The following NSD1 variants were observed in gnomAD, a reference collection of about 807,000 sequenced individuals.
The protein encoded by NSD1 is nuclear receptor binding SET domain protein 1.
Under a neutral mutation model 242.7 loss-of-function variants are expected in NSD1, and 26 were observed. That is an observed-to-expected ratio of 0.11 (90% CI 0.08 to 0.15). The LOEUF (loss-of-function observed/expected upper bound fraction) is 0.15, where lower values mean the gene tolerates loss of function less well. Among genes scored for constraint, NSD1 ranks in the 10% least tolerant of loss-of-function variants. NSD1 has a pLI of 1.00. For synonymous variants in NSD1, 1,106 were observed against 1,178.1 expected (o/e 0.94, Z 1.25); for missense variants, 2,495 against 3,272.8 (o/e 0.76, Z 5.80).
At chr5:177,233,524 A>G (rs1396791507) in intron 5 of NSD1, among the ~76,000 whole-genome samples, 1 of 138,332 alleles carries the variant, frequency 7.2e-6, no homozygotes, top group African/African-American at 2.7e-5. Context: ...ATGAGCCACC[A>G]TGCCTGGCTA....
At chr5:177,151,751 A>G (rs1486596879) in intron 2 of NSD1, among the ~76,000 whole-genome samples, 1 of 149,440 alleles carries the variant, frequency 6.7e-6, no homozygotes, top group Non-Finnish European at 1.5e-5. Context: ...GAGTGCAGTG[A>G]TGCAGTCACA....
chr5:177,286,609 CTCAT>C (rs1373357305), intron 20 of NSD1, among the ~76,000 whole-genome samples: 3 of 152,216 alleles, frequency 2.0e-5, no homozygotes, highest in Non-Finnish European at 4.4e-5. Context: ...TCACACCTCT[CTCAT>C]TCTTTTCTCC....
At chr5:177,139,883 G>T (rs1262862082) in intron 2 of NSD1, among the ~76,000 whole-genome samples, 3 of 151,172 alleles carry the variant, frequency 2.0e-5, no homozygotes, top group Admixed American at 1.3e-4. Flanking sequence ...GTTTGAGACT[G>T]CAGTGAGCCA....
intron 20 of NSD1, 127 bp downstream of exon 20, chr5:177,284,055 T>C (rs1216965548): frequency 8.0e-7 from 1 of 1,244,946 alleles, no homozygotes; most frequent in Non-Finnish European, 1.2e-6. Context: ...TTAAGTTCAT[T>C]TACATTTTTG....
intron 12 of NSD1, 50 bp downstream of exon 12, chr5:177,251,903 GT>G (rs1755998138): frequency 1.9e-6 from 3 of 1,612,114 alleles, no homozygotes; most frequent in African/African-American, 1.3e-5. Context: ...TGAATTTTAA[GT>G]TTTTCAGGAA....
intron 2 of NSD1, among the ~76,000 whole-genome samples, chr5:177,189,920 G>A (rs772448956): frequency 1.3e-5 from 2 of 152,006 alleles, no homozygotes; most frequent in Non-Finnish European, 2.9e-5. Flanking sequence ...CTTTGAAGTC[G>A]TATTCTTTTT....
chr5:177,249,464 T>A (rs147466391), intron 11 of NSD1, among the ~76,000 whole-genome samples: 3,531 of 151,090 alleles, frequency 0.023, 71 homozygotes, highest in African/African-American at 0.054. Flanking sequence ...TAATTATTTA[T>A]TTATTTATTT....
At chr5:177,262,334 G>T (rs1562271992) in intron 14 of NSD1, among the ~76,000 whole-genome samples, 1 of 149,466 alleles carries the variant, frequency 6.7e-6, no homozygotes, top group Non-Finnish European at 1.5e-5. Flanking sequence ...GAACACGGTG[G>T]TGCATGCCTG....
intron 12 of NSD1, 145 bp downstream of exon 12, chr5:177,251,998 T>G: frequency 3.1e-6 from 3 of 963,104 alleles, no homozygotes; most frequent in Non-Finnish European, 4.9e-6. Context: ...GTCACTGCTT[T>G]CAGAAAAGCT....
At chr5:177,248,097 A>G in intron 10 of NSD1, 84 bp from the exon 11 acceptor site, 1 of 1,580,954 alleles carries the variant, frequency 6.3e-7, no homozygotes. Context: ...CTTAATGGCT[A>G]GACAAATAGC....
At chr5:177,292,712 T>G (rs1456196023) in intron 22 of NSD1, among the ~76,000 whole-genome samples, 1 of 152,236 alleles carries the variant, frequency 6.6e-6, no homozygotes, top group Non-Finnish European at 1.5e-5. Flanking sequence ...GGAGATTTGG[T>G]TGTATCAGTT....
At chr5:177,290,552 CCCCT>C (rs1319254617) in intron 21 of NSD1, among the ~76,000 whole-genome samples, 1 of 151,932 alleles carries the variant, frequency 6.6e-6, no homozygotes, top group Non-Finnish European at 1.5e-5. Flanking sequence ...GGATTACAGG[CCCCT>C]GCCACCACAC....
chr5:177,249,428 GTTTTTCT>G (rs1409906860), intron 11 of NSD1, among the ~76,000 whole-genome samples: 20 of 151,642 alleles, frequency 1.3e-4, no homozygotes, highest in Non-Finnish European at 2.8e-4. Context: ...GAGGATGTTA[GTTTTTCT>G]TTTTTCTTTT....
At chr5:177,155,465 T>C (rs1758050665) in intron 2 of NSD1, among the ~76,000 whole-genome samples, 1 of 151,950 alleles carries the variant, frequency 6.6e-6, no homozygotes, top group Non-Finnish European at 1.5e-5. Context: ...GATTTCACCA[T>C]GTCGGCTAAG....
chr5:177,226,531 C>A (rs932337488), intron 5 of NSD1, among the ~76,000 whole-genome samples: 8 of 152,086 alleles, frequency 5.3e-5, no homozygotes, highest in Non-Finnish European at 1.5e-5. Context: ...TTTGCCCAAG[C>A]CTGGTCTCAA....
intron 14 of NSD1, chr5:177,266,073 G>C: frequency 9.0e-7 from 1 of 1,113,480 alleles, no homozygotes; most frequent in Non-Finnish European, 1.4e-6. Flanking sequence ...TCTTTGTACT[G>C]CCGGTCCTCG....
intron 2 of NSD1, among the ~76,000 whole-genome samples, chr5:177,185,953 A>G (rs1761151290): frequency 2.2e-5 from 2 of 92,520 alleles, no homozygotes; most frequent in South Asian, 5.7e-4. Context: ...TAATATAGTT[A>G]TATATTTATA....
chr5:177,269,866 A>T lies in NSD1; in HGVS notation c.5509+59A>T. 6.9e-7 allele frequency: 1 copy of T among 1,455,818 alleles called. No individual in the cohort carries two copies. The allele number at this position is 1,455,818 out of a possible 1,614,324, so 90.2% of individuals were successfully genotyped here. On this transcript the variant is annotated intron_variant, in intron 16 of 22. Transcript: ENST00000439151. This position sits in a 1 kb window ranked among gnomAD's most constrained non-coding sequence, Gnocchi z 5.1. ...CAGACCTCTGTTACCTGAGTGTCTG[A>T]TCTGTTTTAGAATTCACATATGCTC...
rs1159759744 is a variant in NSD1 at position 177,211,862 on chromosome 5, G to T, written c.3463G>T (p.Val1155Leu). Residue 1155 changes from valine (V) to leucine (L), a missense_variant, in exon 5 of 23, where the codon GTG becomes TTG. Val to Leu is a conservative substitution (Grantham distance 32). This residue lies in a region of NSD1 where 426 missense variants were observed against 411.4 expected (regional missense o/e 1.04). Coordinates refer to ENST00000439151, the MANE Select transcript of NSD1 (RefSeq NM_022455.5). ...TGAACTCAATGGTGTAAATCAAGTGGTGCCTAAAAAGCGGTGGCAGCGTTT... is the reference window on the plus strand; with the variant it reads ...TGAACTCAATGGTGTAAATCAAGTGTTGCCTAAAAAGCGGTGGCAGCGTTT... ...NDELNGVNQV[V>L]PKKRWQRLNQ... is the part of the protein sequence containing the mutation. 6.2e-6 allele frequency: 10 copies of T among 1,613,002 alleles called. No homozygotes were observed. Among genetic ancestry groups the T allele is most frequent in the Non-Finnish European group, 8.5e-6 (10 of 1,179,488 alleles).
Sources: gnomAD v4.1 joint callset for allele counts (sites outside exome capture counted in the v4.1 genomes callset) on GRCh38, gnomAD v4.1.1 for gene constraint, gnomAD v4.1.1 regional missense constraint, Gnocchi (gnomAD v3.1) non-coding constraint, MANE v1.5 for transcripts, NCBI Gene and HGNC (gene_info 2026-07-23, HGNC 2026-07-21) for gene names.